LMOD1: variants seen among roughly 807,000 people sequenced by gnomAD.
The protein encoded by LMOD1 is leiomodin 1, also known as leiomodin-1.
A neutral mutation model predicts 36.5 loss-of-function variants in LMOD1; 8 were observed. That is an observed-to-expected ratio of 0.22 (90% CI 0.13 to 0.40). The LOEUF is 0.40. LMOD1 is among the 10% of genes least tolerant of loss of function. The pLI is 1.00. For synonymous variants in LMOD1, 284 were observed against 288.7 expected, an observed-to-expected ratio of 0.98 and a Z score of 0.17; for missense variants, 630 against 751.1, an observed-to-expected ratio of 0.84 and a Z score of 1.88.
At chr1:201,944,135 G>A (rs999113748) in intron 1 of LMOD1, among the ~76,000 whole-genome samples, 1 of 152,176 alleles carries the variant, frequency 6.6e-6, no homozygotes, top group Non-Finnish European at 1.5e-5. Flanking sequence ...CGGACCTAAA[G>A]GCATCTCCTT....
chr1:201,911,060 C>T (rs1681488726), intron 1 of LMOD1, among the ~76,000 whole-genome samples: 1 of 152,132 alleles, frequency 6.6e-6, no homozygotes, highest in Non-Finnish European at 1.5e-5. Context: ...GTGAATGCCA[C>T]ACTCCTGCCA....
At chr1:201,932,659 T>C (rs1275820589) in intron 1 of LMOD1, among the ~76,000 whole-genome samples, 12 of 152,008 alleles carry the variant, frequency 7.9e-5, no homozygotes, top group Non-Finnish European at 1.8e-4. Context: ...GAAGGATCAC[T>C]TGAGCCCAGG....
intron 1 of LMOD1, among the ~76,000 whole-genome samples, chr1:201,906,727 T>G (rs116022858): frequency 1.3e-5 from 2 of 152,146 alleles, no homozygotes; most frequent in Admixed American, 1.3e-4. Flanking sequence ...CTAGAGTCTC[T>G]GGAAAAGAAG....
chr1:201,899,381 G>A lies in LMOD1; in HGVS notation c.1632C>T (p.Pro544=), dbSNP rs1681249938. ...AATTCTTCAGGTTCTCCATGATAAG[G>A]GGTGGAGCCAAGGGAGGGGGAGGGG... ...PPPPPPPLAP[P]LIMENLKNSL... Residue 544 remains proline, a synonymous_variant, in exon 2 of 3, where the codon CCC becomes CCT. Coordinates refer to ENST00000367288, the MANE Select transcript of LMOD1 (RefSeq NM_012134.3). The surrounding 1 kb of genome is among the most constrained non-coding windows in gnomAD (Gnocchi z 6.3). 1 of 1,612,908 alleles carries A rather than the reference G, an allele frequency of 6.2e-7. No individual in the cohort carries two copies.
At chr1:201,918,593 T>C (rs17432675) in intron 1 of LMOD1, among the ~76,000 whole-genome samples, 49,259 of 152,070 alleles carry the variant, frequency 0.32, 8,170 homozygotes, top group East Asian at 0.42. Context: ...TTGGGTCTTG[T>C]TGCCTATGCA....
rs1682212339 is a variant in LMOD1, at chr1:201,946,324, T to C, written c.17A>G (p.Lys6Arg). The change falls in exon 1 of 3, where the codon AAA becomes AGA. Residue 6 changes from lysine to arginine, a missense_variant. This residue lies in a region of LMOD1 where 405 missense variants were observed against 400.6 expected (regional missense o/e 1.01). Transcript: ENST00000367288. MSRVAKYRRQVSEDPD... is the reference protein window; with the variant it reads MSRVARYRRQVSEDPD... ...GTCTTCACTCACCTGCCGGCGATAT[T>C]TGGCTACTCTAGACATCTTGGCAAA... 2 of 1,613,964 alleles carry C rather than the reference T, an allele frequency of 1.2e-6. No individual in the cohort carries two copies. The highest frequency in any genetic ancestry group is 1.6e-4 in the Middle Eastern group (1 of 6,062).
chr1:201,903,844 C>T (rs1408001821), intron 1 of LMOD1, among the ~76,000 whole-genome samples: 1 of 152,206 alleles, frequency 6.6e-6, no homozygotes, highest in African/African-American at 2.4e-5. Context: ...GCATAGCTTC[C>T]CTTTCCAGAG....
At chr1:201,930,506 C>A (rs1309410077) in intron 1 of LMOD1, among the ~76,000 whole-genome samples, 1 of 152,074 alleles carries the variant, frequency 6.6e-6, no homozygotes, top group African/African-American at 2.4e-5. Flanking sequence ...TTAAATGGTA[C>A]TTCTATTCAT....
chr1:201,906,287 C>A (rs1442373768), intron 1 of LMOD1, among the ~76,000 whole-genome samples: 1 of 152,168 alleles, frequency 6.6e-6, no homozygotes, highest in Middle Eastern at 3.2e-3. Context: ...GTGACATCTC[C>A]CAGTCCCACT....
chr1:201,920,307 G>A (rs962951115), intron 1 of LMOD1, among the ~76,000 whole-genome samples: 29 of 151,852 alleles, frequency 1.9e-4, no homozygotes, highest in Admixed American at 2.0e-4. Flanking sequence ...CGATCCGCCC[G>A]CCTCAGCCTC....
intron 1 of LMOD1, among the ~76,000 whole-genome samples, chr1:201,944,547 G>A (rs542704459): frequency 5.9e-5 from 9 of 152,178 alleles, no homozygotes; most frequent in Non-Finnish European, 8.8e-5. Context: ...TTGGGGTACC[G>A]GGCCCTCACA....
chr1:201,915,165 G>C lies in LMOD1; in HGVS notation c.262-14414C>G, dbSNP rs112624780. 2.0e-3 allele frequency among the ~76,000 whole-genome samples: 298 copies of C among 152,270 alleles called. 3 individuals carry two copies. The highest frequency in any genetic ancestry group is 6.4e-3 in the African/African-American group (264 of 41,562). On this transcript the variant is annotated intron_variant, in intron 1 of 2. Transcript: ENST00000367288. ...CTTCCTTCAAAACGCTTCCCCATCG[G>C]TTTCCACCGCAGCCTTCATGGCTTT...
chr1:201,901,707 T>C (rs1370621821), intron 1 of LMOD1, among the ~76,000 whole-genome samples: 1 of 136,780 alleles, frequency 7.3e-6, no homozygotes, highest in Non-Finnish European at 1.6e-5. Flanking sequence ...TATATATATG[T>C]GAAAACATCA....
At chr1:201,902,228 A>G (rs1373519058) in intron 1 of LMOD1, among the ~76,000 whole-genome samples, 1 of 152,056 alleles carries the variant, frequency 6.6e-6, no homozygotes, top group Non-Finnish European at 1.5e-5. Flanking sequence ...AATTCACAGT[A>G]TTGTCCTTAT....
rs1558234826 is a variant in LMOD1 at position 201,901,624 on chromosome 1, G to GTGTGTATATATACACATATATA, written c.262-874_262-873insTATATATGTGTATATATACACA. Among the ~76,000 whole-genome samples, 9 of 12,636 alleles carry GTGTGTATATATACACATATATA rather than the reference G, an allele frequency of 7.1e-4. 2 individuals carry two copies. Among genetic ancestry groups the GTGTGTATATATACACATATATA allele is most frequent in the Middle Eastern group, 0.1 (2 of 20 alleles). The allele number at this position is 12,636 out of a possible 152,430, so 8.3% of individuals were successfully genotyped here. The stretch of plus-strand genomic sequence containing the variant: ...TATATATATATACACATATATATGT[G>GTGTGTATATATACACATATATA]TGTGTGTATATATATATATATATAC... On this transcript the variant is annotated intron_variant, in intron 1 of 2. Transcript: ENST00000367288.
intron 1 of LMOD1, among the ~76,000 whole-genome samples, chr1:201,911,298 A>G (rs1681493325): frequency 6.6e-6 from 1 of 152,202 alleles, no homozygotes; most frequent in Non-Finnish European, 1.5e-5. Flanking sequence ...CATCTAGAGG[A>G]AAAGGTCCAG....
chr1:201,907,287 C>A (rs1211225601), intron 1 of LMOD1, among the ~76,000 whole-genome samples: 1 of 152,144 alleles, frequency 6.6e-6, no homozygotes, highest in Non-Finnish European at 1.5e-5. Flanking sequence ...GGGACTGATC[C>A]CTCTGGGGAT....
rs189206354 is a variant in LMOD1, at chr1:201,904,439, A to C, written c.262-3688T>G. Among the ~76,000 whole-genome samples, 48 of 152,060 alleles carry C rather than the reference A, an allele frequency of 3.2e-4. 1 individual carries two copies. The highest frequency in any genetic ancestry group is 5.7e-4 in the Non-Finnish European group (39 of 67,988). The stretch of plus-strand genomic sequence containing the variant: ...TGGTCAGGCTGGTCCCGAACTCCTG[A>C]CCTCAGGTGATCCACCTGCCTCGGC... On this transcript the variant is annotated intron_variant, in intron 1 of 2. Coordinates refer to ENST00000367288, the MANE Select transcript of LMOD1 (RefSeq NM_012134.3).
At chr1:201,906,056 C>T (rs569961924) in intron 1 of LMOD1, among the ~76,000 whole-genome samples, 13 of 152,296 alleles carry the variant, frequency 8.5e-5, no homozygotes, top group African/African-American at 2.9e-4. Flanking sequence ...GCCCCTAGCT[C>T]GAGCTCCTGG....
Sources: allele counts gnomAD v4.1 joint callset (sites outside exome capture counted in the v4.1 genomes callset), GRCh38; gene constraint gnomAD v4.1.1; regional missense constraint gnomAD v4.1.1; non-coding constraint Gnocchi (gnomAD v3.1); transcripts MANE v1.5; gene names NCBI Gene and HGNC (gene_info 2026-07-23, HGNC 2026-07-21).